Variants in UBQLN1 observed in about 807,000 individuals in gnomAD.
UBQLN1 encodes the protein ubiquilin 1.
In UBQLN1, 13 loss-of-function variants were observed where a neutral mutation model predicts 65.4. The observed-to-expected ratio is 0.20, with a 90% CI of 0.13 to 0.32. UBQLN1 has a LOEUF of 0.32. Ranked by LOEUF, UBQLN1 falls within the 10% of genes least tolerant of loss-of-function variation. The probability of loss-of-function intolerance (pLI) is 1.00; values close to 1 mark genes in which losing one functional copy is unlikely to be tolerated. For synonymous variants in UBQLN1, 267 were observed against 247.8 expected, an observed-to-expected ratio of 1.08 and a Z score of -0.73; for missense variants, 561 against 724.0, an observed-to-expected ratio of 0.77 and a Z score of 2.58.
At chr9:83,686,236 G>T in intron 1 of UBQLN1, 81 bp from the exon 2 acceptor site, 1 of 917,984 alleles carries the variant, frequency 1.1e-6, no homozygotes, top group Non-Finnish European at 1.6e-6. Flanking sequence ...ACCTCATAGA[G>T]GCCCCTACTA....
At position 83,661,777 on chromosome 9, in the gene UBQLN1, A is replaced by T; in HGVS notation, c.*10T>A. ...AATAAATTACATTTTTTCAAGATAC[A>T]GAAATGCTGCTATGATGGCTGGGAG... is the stretch of plus-strand genomic sequence containing the variant. On this transcript the variant is annotated 3_prime_UTR_variant, in exon 11 of 11. Coordinates refer to ENST00000376395, the MANE Select transcript of UBQLN1 (RefSeq NM_013438.5). 6.3e-7 allele frequency: 1 copy of T among 1,584,744 alleles called. No homozygotes were observed. Among genetic ancestry groups the T allele is most frequent in the Non-Finnish European group, 8.6e-7 (1 of 1,166,056 alleles).
chr9:83,685,783 T>C (rs971475558), intron 2 of UBQLN1, among the ~76,000 whole-genome samples: 1 of 152,216 alleles, frequency 6.6e-6, no homozygotes, highest in Admixed American at 6.5e-5. Flanking sequence ...AATAACTAAA[T>C]ACCAATGAAC....
chr9:83,706,573 G>A (rs1471102826), intron 1 of UBQLN1, among the ~76,000 whole-genome samples: 19 of 152,170 alleles, frequency 1.2e-4, no homozygotes, highest in African/African-American at 4.6e-4. Flanking sequence ...AACTGTTCAC[G>A]TTGTTTGCGA....
Position 83,661,180 on chromosome 9 carries a change from T to C in UBQLN1, c.*607A>G, listed in dbSNP as rs142883999. ...TTGTCAAAGATGCTGTAAGATTCTA[T>C]ACAATTAGGAAATACTCAGCTTTAA... On this transcript the variant is annotated 3_prime_UTR_variant, in exon 11 of 11. Coordinates refer to ENST00000376395, the MANE Select transcript of UBQLN1 (RefSeq NM_013438.5). 2.0e-5 allele frequency: 3 copies of C among 152,610 alleles called. No homozygotes were observed. The highest frequency in any genetic ancestry group is 6.5e-5 in the Admixed American group (1 of 15,310). 9.5% of individuals were successfully genotyped at this position (152,610 alleles called of 1,614,324 possible). A position where few individuals can be genotyped will look rare whatever the true frequency, so the allele number is the denominator to read the frequency against.
At chr9:83,670,810 T>C (rs552521236) in intron 6 of UBQLN1, among the ~76,000 whole-genome samples, 18 of 152,256 alleles carry the variant, frequency 1.2e-4, no homozygotes, top group South Asian at 8.3e-4. Flanking sequence ...TCTGAATTCG[T>C]TGTCATTTCA....
intron 10 of UBQLN1, among the ~76,000 whole-genome samples, chr9:83,663,269 A>T (rs1831590675): frequency 6.6e-6 from 1 of 152,200 alleles, no homozygotes; most frequent in Admixed American, 6.5e-5. Context: ...GTTTGGGGAC[A>T]ACCTAATAAA....
intron 2 of UBQLN1, among the ~76,000 whole-genome samples, chr9:83,683,909 T>C (rs1462570007): frequency 6.6e-6 from 1 of 151,862 alleles, no homozygotes; most frequent in African/African-American, 2.4e-5. Flanking sequence ...TAATCACAGG[T>C]ACTCAGGAGG....
intron 7 of UBQLN1, chr9:83,668,214 T>C: frequency 3.0e-6 from 3 of 985,146 alleles, no homozygotes; most frequent in South Asian, 4.7e-5. Context: ...TTCCACAAAT[T>C]TGGTGAGGGC....
chr9:83,667,840 G>A, intron 7 of UBQLN1: 2 of 972,614 alleles, frequency 2.1e-6, no homozygotes, highest in Non-Finnish European at 2.4e-6. Context: ...TTAATCTGCA[G>A]ATAACAAGAA....
chr9:83,672,758 AC>A (rs1330907877), intron 6 of UBQLN1, among the ~76,000 whole-genome samples: 1 of 152,238 alleles, frequency 6.6e-6, no homozygotes, highest in African/African-American at 2.4e-5. Context: ...GAAAAATGGT[AC>A]TAACAGACTT....
chr9:83,668,966 T>C (rs191344548), intron 7 of UBQLN1: 1 of 492,696 alleles, frequency 2.0e-6, no homozygotes, highest in East Asian at 4.3e-5. Context: ...CACTTCTTTC[T>C]AGTCAATGAA....
chr9:83,683,876 C>T (rs1831992759), intron 2 of UBQLN1, among the ~76,000 whole-genome samples: 2 of 152,036 alleles, frequency 1.3e-5, no homozygotes, highest in South Asian at 4.1e-4. Context: ...CAAAAATTAG[C>T]CGGGCATGGT....
At chr9:83,669,670 T>C (rs968067095) in intron 6 of UBQLN1, among the ~76,000 whole-genome samples, 20 of 152,192 alleles carry the variant, frequency 1.3e-4, no homozygotes, top group African/African-American at 4.8e-4. Context: ...TGAGCCAACT[T>C]TTCCTCCAAG....
rs138596239 is a variant in UBQLN1, at chr9:83,694,265, A to G, written c.181-8110T>C. Among the ~76,000 whole-genome samples, 10 of 152,322 alleles carry G rather than the reference A, an allele frequency of 6.6e-5. 1 individual carries two copies. In the South Asian group the frequency reaches 1.0e-3, roughly 16 times the overall value. ...TAACAGCATTTAGCAAGGATTCTCTAAATAGTTATCTGAATACTGTATTCA... is the reference window on the plus strand; with the variant it reads ...TAACAGCATTTAGCAAGGATTCTCTGAATAGTTATCTGAATACTGTATTCA... On this transcript the variant is annotated intron_variant, in intron 1 of 10. Coordinates refer to ENST00000376395, the MANE Select transcript of UBQLN1 (RefSeq NM_013438.5).
In UBQLN1 at chr9:83,662,269, CAT is replaced by C. The variant is rs1158613204; in HGVS notation, c.1618-332_1618-331del. ...GTATGTGTGTGTGTATATACATATA[CAT>C]ATACACACACACACACACACACACA... On this transcript the variant is annotated intron_variant, in intron 10 of 10. Coordinates refer to ENST00000376395, the MANE Select transcript of UBQLN1 (RefSeq NM_013438.5). Among the ~76,000 whole-genome samples the C allele has an allele frequency of 1.6e-3, 183 of 114,566 alleles. 1 individual carries two copies. The highest frequency in any genetic ancestry group is 2.2e-3 in the African/African-American group (58 of 26,042). 75.2% of individuals were successfully genotyped at this position (114,566 alleles called of 152,430 possible). A position where few individuals can be genotyped will look rare whatever the true frequency, so the allele number is the denominator to read the frequency against.
intron 7 of UBQLN1, chr9:83,668,415 A>G: frequency 2.0e-6 from 2 of 985,456 alleles, no homozygotes; most frequent in Non-Finnish European, 2.4e-6. Context: ...ACTACAGATT[A>G]TCAAGGTTTA....
intron 1 of UBQLN1, among the ~76,000 whole-genome samples, chr9:83,690,128 A>C (rs1832102258): frequency 6.6e-6 from 1 of 152,214 alleles, no homozygotes; most frequent in Admixed American, 6.5e-5. Flanking sequence ...AACAAACTAC[A>C]TGTCCACAAA....
intron 7 of UBQLN1, 174 bp from the exon 8 acceptor site, chr9:83,666,607 G>A (rs1831647866): frequency 5.8e-6 from 3 of 517,122 alleles, no homozygotes; most frequent in African/African-American, 3.8e-5. Context: ...ATCTCCAGAA[G>A]AACAAAAACA....
chr9:83,680,023 G>A lies in UBQLN1; in HGVS notation c.463C>T (p.Leu155Phe), dbSNP rs369808992. The A allele has an allele frequency of 3.1e-6, 5 of 1,612,430 alleles. No individual in the cohort carries two copies. In the East Asian group the frequency reaches 1.1e-4, roughly 36 times the overall value. ...NPFGLGGLGG[L>F]AGLSSLGLNT... ...AAACCCAAGCTACTCAGACCTGCAAGTCCCCCAAGGCCACCTAAGAGGATA... is the reference window on the plus strand; with the variant it reads ...AAACCCAAGCTACTCAGACCTGCAAATCCCCCAAGGCCACCTAAGAGGATA... Residue 155 changes from leucine (L) to phenylalanine (F), a missense_variant, in exon 4 of 11, where the codon CTT becomes TTT. Coordinates refer to ENST00000376395, the MANE Select transcript of UBQLN1 (RefSeq NM_013438.5).
Sources: allele counts gnomAD v4.1 joint callset (sites outside exome capture counted in the v4.1 genomes callset), GRCh38; gene constraint gnomAD v4.1.1; transcripts MANE v1.5; gene names NCBI Gene and HGNC (gene_info 2026-07-23, HGNC 2026-07-21).